SNX14: variants seen among roughly 807,000 people sequenced by gnomAD.
SNX14 encodes the protein sorting nexin 14, also known as sorting nexin-14.
In SNX14, 93 loss-of-function variants were observed where a neutral mutation model predicts 133.8. That is an observed-to-expected ratio of 0.70 (90% CI 0.59 to 0.83). The LOEUF (loss-of-function observed/expected upper bound fraction) is 0.83. Ranked by LOEUF, SNX14 falls within the 40% of genes least tolerant of loss-of-function variation. SNX14 has a pLI of 0.00. For synonymous variants in SNX14, 368 were observed against 365.6 expected, an observed-to-expected ratio of 1.01 and a Z score of -0.07; for missense variants, 945 against 1,094.9, an observed-to-expected ratio of 0.86 and a Z score of 1.93.
chr6:85,518,842 A>G (rs1775906525), intron 21 of SNX14, among the ~76,000 whole-genome samples: 1 of 152,176 alleles, frequency 6.6e-6, no homozygotes, highest in South Asian at 2.1e-4. Flanking sequence ...TCTTTAAATT[A>G]TATGGTTTCA....
Position 85,513,975 on chromosome 6 carries a change from A to C in SNX14, c.2558-80T>G. The stretch of plus-strand genomic sequence containing the variant: ...GGATTTCCTCATAGTAGAAATACTA[A>C]TAAACCAAAGCAAAACAAGATTTCT... On this transcript the variant is annotated intron_variant, in intron 25 of 28. Coordinates refer to ENST00000314673, the MANE Select transcript of SNX14 (RefSeq NM_153816.6). 3.2e-6 allele frequency: 5 copies of C among 1,557,944 alleles called. No individual in the cohort carries two copies. In the Admixed American group the frequency reaches 9.8e-5, roughly 30 times the overall value.
intron 1 of SNX14, among the ~76,000 whole-genome samples, chr6:85,585,091 T>C (rs1452581178): frequency 1.3e-5 from 2 of 152,126 alleles, no homozygotes; most frequent in Non-Finnish European, 2.9e-5. Context: ...TTCAGGAACA[T>C]GGATGAAGCT....
At chr6:85,574,827 A>C in intron 1 of SNX14, among the ~76,000 whole-genome samples, 1 of 151,826 alleles carries the variant, frequency 6.6e-6, no homozygotes. Flanking sequence ...ACAGTCTAGT[A>C]GTGGTGATAC....
At chr6:85,506,632 ATAAG>A (rs1216967833) in intron 28 of SNX14, among the ~76,000 whole-genome samples, 1 of 152,162 alleles carries the variant, frequency 6.6e-6, no homozygotes, top group East Asian at 1.9e-4. Flanking sequence ...AAAGTTTATA[ATAAG>A]TAAATAGCCC....
At chr6:85,579,383 A>C (rs1313179012) in intron 1 of SNX14, among the ~76,000 whole-genome samples, 2 of 152,226 alleles carry the variant, frequency 1.3e-5, no homozygotes, top group African/African-American at 4.8e-5. Context: ...GGCTCTCATC[A>C]TCCTCCCCAC....
At chr6:85,570,713 C>G (rs890452204) in intron 4 of SNX14, among the ~76,000 whole-genome samples, 2 of 151,818 alleles carry the variant, frequency 1.3e-5, no homozygotes, top group Non-Finnish European at 2.9e-5. Flanking sequence ...ATTAGCTGGG[C>G]GTGGTGGTGT....
chr6:85,547,320 T>G lies in SNX14; in HGVS notation c.990A>C (p.Pro330=). Residue 330 remains proline, a synonymous_variant, in exon 11 of 29, where the codon CCA becomes CCC. Coordinates refer to ENST00000314673, the MANE Select transcript of SNX14 (RefSeq NM_153816.6). ...TGTTATTGCTGAAAATTCTTACAGA[T>G]GGCTTTTTATTTCTAGGTTCTGCAA... ...QKFAEPRNKK[P]SVLKLELKQI... 6.2e-7 allele frequency: 1 copy of G among 1,613,450 alleles called. No homozygotes were observed. The highest frequency in any genetic ancestry group is 2.2e-5 in the East Asian group (1 of 44,854).
At chr6:85,582,760 T>C (rs549476419) in intron 1 of SNX14, among the ~76,000 whole-genome samples, 32 of 152,154 alleles carry the variant, frequency 2.1e-4, no homozygotes, top group Non-Finnish European at 4.0e-4. Context: ...TAACAAGTTC[T>C]GAAATTGAGG....
At chr6:85,517,635 T>A (rs1408546902) in intron 23 of SNX14, 121 bp downstream of exon 23, 2 of 1,186,116 alleles carry the variant, frequency 1.7e-6, no homozygotes, top group Admixed American at 5.4e-5. Context: ...GATTTCCACA[T>A]AAAGGAAATG....
intron 21 of SNX14, among the ~76,000 whole-genome samples, chr6:85,520,774 A>G (rs1776613286): frequency 6.6e-6 from 1 of 152,192 alleles, no homozygotes. Context: ...CTTTCATTCA[A>G]CATTTTTAAA....
At chr6:85,586,983 T>C (rs1801081206) in intron 1 of SNX14, among the ~76,000 whole-genome samples, 2 of 152,006 alleles carry the variant, frequency 1.3e-5, no homozygotes, top group African/African-American at 4.8e-5. Flanking sequence ...GAAGTGGAGA[T>C]TGCAATGAGC....
At chr6:85,575,165 A>G (rs1796905486) in intron 1 of SNX14, among the ~76,000 whole-genome samples, 8 of 152,188 alleles carry the variant, frequency 5.3e-5, no homozygotes, top group Admixed American at 5.2e-4. Context: ...GCCAAATAAT[A>G]TAGTGTGATA....
chr6:85,535,028 CTTTTTT>C (rs35936403), intron 17 of SNX14, among the ~76,000 whole-genome samples: 1 of 124,140 alleles, frequency 8.1e-6, no homozygotes, highest in African/African-American at 3.0e-5. Context: ...TCTATCCATA[CTTTTTT>C]TTTTTTTTTT....
intron 12 of SNX14, among the ~76,000 whole-genome samples, chr6:85,545,840 C>T (rs973624944): frequency 1.3e-5 from 2 of 152,134 alleles, no homozygotes; most frequent in African/African-American, 2.4e-5. Flanking sequence ...TGAGCCAACA[C>T]GCCCAGCTAA....
intron 21 of SNX14, among the ~76,000 whole-genome samples, chr6:85,524,207 A>G (rs1203041417): frequency 6.6e-6 from 1 of 152,068 alleles, no homozygotes; most frequent in Non-Finnish European, 1.5e-5. Context: ...AGAAAGAAAG[A>G]AAGAAAGAAA....
At chr6:85,537,359 AC>A (rs1255070439) in intron 16 of SNX14, among the ~76,000 whole-genome samples, 1 of 152,142 alleles carries the variant, frequency 6.6e-6, no homozygotes, top group East Asian at 1.9e-4. Context: ...GAAAAAAAAA[AC>A]ATTAAACTAT....
chr6:85,557,971 A>G lies in SNX14; in HGVS notation c.634+5T>C, dbSNP rs778702186. 32 of 1,549,812 alleles carry G rather than the reference A, an allele frequency of 2.1e-5. No homozygotes were observed. In the South Asian group the frequency reaches 3.5e-4, roughly 17 times the overall value. The stretch of plus-strand genomic sequence containing the variant: ...TACTCAAACTGTAGTAGAAAACTGT[A>G]TTACCTTTCTGTCTGGCTTTAACTA... On this transcript the variant is annotated splice_donor_5th_base_variant and intron_variant, in intron 7 of 28. Coordinates refer to ENST00000314673, the MANE Select transcript of SNX14 (RefSeq NM_153816.6).
intron 14 of SNX14, among the ~76,000 whole-genome samples, chr6:85,542,765 T>G (rs946518852): frequency 6.6e-6 from 1 of 152,140 alleles, no homozygotes; most frequent in African/African-American, 2.4e-5. Flanking sequence ...ATCTTGGTTT[T>G]TTTGTTCTGT....
At chr6:85,543,484 A>T (rs1784459773) in intron 13 of SNX14, 121 bp downstream of exon 13, 1 of 1,058,470 alleles carries the variant, frequency 9.4e-7, no homozygotes, top group East Asian at 2.7e-5. Context: ...CTTTCATCTC[A>T]TTAGTAAAAT....
Sources: gnomAD v4.1 joint callset for allele counts (sites outside exome capture counted in the v4.1 genomes callset) on GRCh38, gnomAD v4.1.1 for gene constraint, MANE v1.5 for transcripts, NCBI Gene and HGNC (gene_info 2026-07-23, HGNC 2026-07-21) for gene names.